ARFGAP3: variants seen among roughly 807,000 people sequenced by gnomAD.
ARFGAP3 encodes the protein ADP-ribosylation factor GTPase-activating protein 3.
In ARFGAP3, 72 loss-of-function variants were observed where a neutral mutation model predicts 75.0. The ratio of observed to expected loss-of-function variants is 0.96; its 90% CI spans 0.79 to 1.17. The LOEUF is 1.17. Among genes scored for constraint, ARFGAP3 ranks in the 50% most tolerant of loss-of-function variants. The pLI is 0.00. For missense variants in ARFGAP3, 620 were observed against 626.6 expected, an observed-to-expected ratio of 0.99 and a Z score of 0.11; for synonymous variants, 221 against 217.9, an observed-to-expected ratio of 1.01 and a Z score of -0.13.
In ARFGAP3 at chr22:42,798,515, G is replaced by A. The variant is rs147322831; in HGVS notation, c.1533+524C>T. On this transcript the variant is annotated intron_variant, in intron 15 of 15. Transcript: ENST00000263245. ...CAAGTATGCGCCATCCTTGGCTTAT[G>A]TTTTCACTCAATAGAATGTGGTTTT... Among the ~76,000 whole-genome samples the A allele has an allele frequency of 4.7e-3, 714 of 152,058 alleles. 1 individual carries two copies. The highest frequency in any genetic ancestry group is 0.015 in the African/African-American group (626 of 41,310).
At chr22:42,856,543 G>C (rs1269471607) in intron 1 of ARFGAP3, among the ~76,000 whole-genome samples, 4 of 152,184 alleles carry the variant, frequency 2.6e-5, no homozygotes, top group Non-Finnish European at 5.9e-5. Context: ...GAACCGAGGA[G>C]AGGGAGGAGG....
intron 3 of ARFGAP3, 120 bp downstream of exon 3, chr22:42,840,824 G>A: frequency 9.5e-7 from 1 of 1,057,200 alleles, no homozygotes; most frequent in African/African-American, 1.6e-5. Context: ...TGTAATTTCA[G>A]CCTCCCAAAT....
intron 5 of ARFGAP3, among the ~76,000 whole-genome samples, chr22:42,832,042 CA>C (rs1926313247): frequency 6.6e-6 from 1 of 152,024 alleles, no homozygotes; most frequent in Admixed American, 6.6e-5. Flanking sequence ...CTCGGCCTCC[CA>C]AACTGCTGAG....
At chr22:42,815,591 G>A (rs1925541888) in intron 11 of ARFGAP3, among the ~76,000 whole-genome samples, 5 of 152,182 alleles carry the variant, frequency 3.3e-5, no homozygotes, top group Admixed American at 3.3e-4. Flanking sequence ...TATATGAAGT[G>A]CATGTGTGTG....
intron 3 of ARFGAP3, among the ~76,000 whole-genome samples, chr22:42,837,625 A>C (rs1926578349): frequency 6.7e-6 from 1 of 148,848 alleles, no homozygotes; most frequent in Non-Finnish European, 1.5e-5. Context: ...TATCTCAAAA[A>C]AAAAAAAAAA....
intron 7 of ARFGAP3, among the ~76,000 whole-genome samples, chr22:42,825,019 T>A (rs1432588876): frequency 6.6e-6 from 1 of 152,248 alleles, no homozygotes. Context: ...TGACTGTTCT[T>A]TTTTACGGCT....
chr22:42,810,684 G>A, intron 12 of ARFGAP3, 129 bp downstream of exon 12: 1 of 767,512 alleles, frequency 1.3e-6, no homozygotes, highest in Non-Finnish European at 2.2e-6. Context: ...CTCTTAAAGT[G>A]CTGGGATTAT....
rs1425731164 is a variant in ARFGAP3, at chr22:42,832,498, T to A, written c.478-862A>T. Among the ~76,000 whole-genome samples, 4 of 141,700 alleles carry A rather than the reference T, an allele frequency of 2.8e-5. No homozygotes were observed. The East Asian group carries it at 6.4e-4, about 23-fold the overall frequency. The allele number at this position is 141,700 out of a possible 152,430, so 93.0% of individuals were successfully genotyped here. On this transcript the variant is annotated intron_variant, in intron 5 of 15. Coordinates refer to ENST00000263245, the MANE Select transcript of ARFGAP3 (RefSeq NM_014570.5). ...GTGAGCCAAGATTGTGCCAGTGCACTCCAACGTGGGTGACAGAAGAGTAAG... is the reference window on the plus strand; with the variant it reads ...GTGAGCCAAGATTGTGCCAGTGCACACCAACGTGGGTGACAGAAGAGTAAG...
intron 1 of ARFGAP3, 116 bp from the exon 2 acceptor site, chr22:42,847,748 G>A (rs778473571): frequency 1.5e-4 from 184 of 1,253,492 alleles, no homozygotes; most frequent in Non-Finnish European, 1.8e-4. Context: ...GTAAACTTTG[G>A]GATTGTATTA....
intron 2 of ARFGAP3, among the ~76,000 whole-genome samples, chr22:42,844,572 G>A (rs1056003176): frequency 6.9e-6 from 1 of 145,158 alleles, no homozygotes; most frequent in Non-Finnish European, 1.5e-5. Context: ...GGGATAGAGT[G>A]AGACTCTGTC....
At position 42,857,123 on chromosome 22, in the gene ARFGAP3, G is replaced by T; in HGVS notation, c.60C>A (p.Pro20=). ...LTIFKRLRSV[P]TNKVCFDCGA... is the part of the protein sequence containing the mutation. ...CGCCCGCGGCCGCTACCTTGTTAGTGGGCACCGAGCGGAGGCGCTTGAAGA... is the reference window on the plus strand; with the variant it reads ...CGCCCGCGGCCGCTACCTTGTTAGTTGGCACCGAGCGGAGGCGCTTGAAGA... The change falls in exon 1 of 16, where the codon CCC becomes CCA. Residue 20 remains proline, a synonymous_variant. Transcript: ENST00000263245. The T allele has an allele frequency of 6.6e-7, 1 of 1,514,886 alleles. No homozygotes were observed. The highest frequency in any genetic ancestry group is 8.8e-7 in the Non-Finnish European group (1 of 1,129,976). The allele number at this position is 1,514,886 out of a possible 1,614,324, so 93.8% of individuals were successfully genotyped here. A position where few individuals can be genotyped will look rare whatever the true frequency, so the allele number is the denominator to read the frequency against.
chr22:42,837,022 T>A (rs1460398931), intron 3 of ARFGAP3, among the ~76,000 whole-genome samples: 3 of 152,076 alleles, frequency 2.0e-5, no homozygotes, highest in Admixed American at 6.6e-5. Context: ...CCTGATGGCT[T>A]GAGATGAGAA....
chr22:42,816,225 C>T (rs1039410509), intron 11 of ARFGAP3, among the ~76,000 whole-genome samples: 4 of 152,332 alleles, frequency 2.6e-5, no homozygotes, highest in Non-Finnish European at 2.9e-5. Flanking sequence ...CCATTCTAAA[C>T]GTGCTATAGC....
At position 42,838,994 on chromosome 22, in the gene ARFGAP3, C is replaced by G. The variant is rs1435544130; in HGVS notation, c.261+1950G>C. Among the ~76,000 whole-genome samples, 7 of 151,232 alleles carry G rather than the reference C, an allele frequency of 4.6e-5. No homozygotes were observed. In the East Asian group the frequency reaches 1.4e-3, roughly 30 times the overall value. ...GTGTGGTGGCGGGCGCCTGTAGTCCCAGCTACTCGGGAGGCTGAGGCAGAA... is the reference window on the plus strand; with the variant it reads ...GTGTGGTGGCGGGCGCCTGTAGTCCGAGCTACTCGGGAGGCTGAGGCAGAA... On this transcript the variant is annotated intron_variant, in intron 3 of 15. Transcript: ENST00000263245.
intron 14 of ARFGAP3, among the ~76,000 whole-genome samples, chr22:42,804,185 G>A (rs8135114): frequency 6.6e-6 from 1 of 151,068 alleles, no homozygotes; most frequent in African/African-American, 2.4e-5. Context: ...TTATAGGGGT[G>A]AGCCACCAAG....
intron 2 of ARFGAP3, among the ~76,000 whole-genome samples, chr22:42,844,671 G>C (rs1298455124): frequency 6.6e-6 from 1 of 151,834 alleles, no homozygotes; most frequent in African/African-American, 2.4e-5. Context: ...AAAGTGCTGG[G>C]ATTACAGGTG....
At position 42,829,782 on chromosome 22, in the gene ARFGAP3, A is replaced by C. The variant is rs548013801; in HGVS notation, c.565+1767T>G. 2.0e-5 allele frequency among the ~76,000 whole-genome samples: 3 copies of C among 152,334 alleles called. No individual in the cohort carries two copies. The South Asian group carries it at 6.2e-4, about 32-fold the overall frequency. On this transcript the variant is annotated intron_variant, in intron 6 of 15. Transcript: ENST00000263245. ...ATGCCTAGAAGGGCTTCCTCAATTC[A>C]GGATAATAAAAAAGGCTTTACCCAT...
chr22:42,803,196 G>A (rs374898759), intron 14 of ARFGAP3, among the ~76,000 whole-genome samples: 2 of 151,940 alleles, frequency 1.3e-5, no homozygotes, highest in African/African-American at 4.8e-5. Flanking sequence ...TAGAGATGGG[G>A]GTCCCACTAT....
intron 14 of ARFGAP3, among the ~76,000 whole-genome samples, chr22:42,806,175 A>G (rs76957308): frequency 0.038 from 5,855 of 152,284 alleles, 159 homozygotes; most frequent in African/African-American, 0.074. Flanking sequence ...CCTGAGAGTC[A>G]TCCCTCCCCT....
Sources: gnomAD v4.1 joint callset for allele counts (sites outside exome capture counted in the v4.1 genomes callset) on GRCh38, gnomAD v4.1.1 for gene constraint, MANE v1.5 for transcripts, NCBI Gene and HGNC (gene_info 2026-07-23, HGNC 2026-07-21) for gene names.